Variants in ATRAID observed in about 807,000 individuals in gnomAD.
The protein encoded by ATRAID is all-trans retinoic acid induced differentiation factor.
A neutral mutation model predicts 28.8 loss-of-function variants in ATRAID; 26 were observed. That is an observed-to-expected ratio of 0.90 (90% CI 0.66 to 1.25). The LOEUF is 1.25. ATRAID is among the 50% of genes most tolerant of loss of function. The pLI is 0.00. For missense variants in ATRAID, 308 were observed against 285.9 expected, an observed-to-expected ratio of 1.08 and a Z score of -0.56; for synonymous variants, 131 against 108.5, an observed-to-expected ratio of 1.21 and a Z score of -1.29.
Position 27,217,098 on chromosome 2 carries a change from T to A in ATRAID, c.*150T>A. 1.6e-6 allele frequency: 1 copy of A among 619,586 alleles called. No homozygotes were observed. 38.4% of individuals were successfully genotyped at this position (619,586 alleles called of 1,614,324 possible). ...AAGATGAAAAATTGCACTCCCTTGG[T>A]GTAGACAAATACCAGTTCCCATTGG... On this transcript the variant is annotated 3_prime_UTR_variant, in exon 7 of 7. Coordinates refer to ENST00000380171, the MANE Select transcript of ATRAID (RefSeq NM_001170795.4).
chr2:27,212,083 A>C lies in ATRAID; in HGVS notation c.-286A>C. ...CGACCTCGGCGTCCGGACGCGGGGA[A>C]CACCGGGCTGAGGGAGTCTGCAGTC... On this transcript the variant is annotated 5_prime_UTR_variant, in exon 1 of 7. Transcript: ENST00000380171. The C allele has an allele frequency of 2.3e-6, 3 of 1,324,210 alleles. No homozygotes were observed. Among genetic ancestry groups the C allele is most frequent in the Non-Finnish European group, 3.0e-6 (3 of 991,872 alleles). The allele number at this position is 1,324,210 out of a possible 1,614,324, so 82.0% of individuals were successfully genotyped here. A position where few individuals can be genotyped will look rare whatever the true frequency, so the allele number is the denominator to read the frequency against.
At chr2:27,213,392 T>C (rs1010183307) in intron 2 of ATRAID, 94 bp downstream of exon 2, 60 of 1,454,176 alleles carry the variant, frequency 4.1e-5, no homozygotes, top group Non-Finnish European at 5.2e-5. Flanking sequence ...CCACCTATTA[T>C]GGTTTCAGCT....
rs1455931322 is a variant in ATRAID at position 27,216,926 on chromosome 2, G to A, written c.668G>A (p.Arg223His). ...SVSILLWATQRRKAKTS is the reference protein window; with the variant it reads ...SVSILLWATQHRKAKTS The stretch of plus-strand genomic sequence containing the variant: ...TCCATTCTGCTTTGGGCGACCCAGC[G>A]CCGAAAAGCCAAGACTTCATGAACT... The change falls in exon 7 of 7, where the codon CGC becomes CAC. Residue 223 changes from arginine to histidine, a missense_variant. Coordinates refer to ENST00000380171, the MANE Select transcript of ATRAID (RefSeq NM_001170795.4). 17 of 1,613,542 alleles carry A rather than the reference G, an allele frequency of 1.1e-5. No homozygotes were observed. The East Asian group carries it at 2.9e-4, about 28-fold the overall frequency.
chr2:27,213,466 A>G, intron 2 of ATRAID, 168 bp downstream of exon 2: 1 of 801,834 alleles, frequency 1.2e-6, no homozygotes, highest in East Asian at 3.0e-5. Context: ...ACCTTTCCAC[A>G]CTCCAGGTAC....
Position 27,216,538 on chromosome 2 carries a change from A to G in ATRAID, c.503A>G (p.Asn168Ser). 2 of 1,613,950 alleles carry G rather than the reference A, an allele frequency of 1.2e-6. No homozygotes were observed. Among genetic ancestry groups the G allele is most frequent in the East Asian group, 2.2e-5 (1 of 44,884 alleles). Residue 168 changes from asparagine to serine, a missense_variant, in exon 6 of 7, where the codon AAT (asparagine) becomes AGT (serine). By Grantham distance (46) the Asn-to-Ser change is conservative. Transcript: ENST00000380171. Reference sequence around the variant, plus strand: ...TGGCCTCCAGAAATGTGTCCTGAGAATGGATCTTGTGTACCTGATGGTCCA... The same window carrying G: ...TGGCCTCCAGAAATGTGTCCTGAGAGTGGATCTTGTGTACCTGATGGTCCA... ...NTGDPEMCPE[N>S]GSCVPDGPGL...
chr2:27,212,385 CG>C lies in ATRAID; in HGVS notation c.20del (p.Gly7ValfsTer52). 6.4e-7 allele frequency: 1 copy of C among 1,550,684 alleles called. No individual in the cohort carries two copies. Among genetic ancestry groups the C allele is most frequent in the Non-Finnish European group, 8.7e-7 (1 of 1,146,952 alleles). MAPHD[P>X]GSLTTLVPWA... is the part of the protein sequence containing the mutation. ...GAACGGAAAATGGCGCCTCACGACC[CG>C]GGTAGTCTTACGACCCTGGTGCCCT... On this transcript the variant is annotated frameshift_variant, in exon 1 of 7. Coordinates refer to ENST00000380171, the MANE Select transcript of ATRAID (RefSeq NM_001170795.4). LOFTEE classifies it high-confidence loss of function.
At chr2:27,214,467 A>G (rs1307133706) in intron 2 of ATRAID, among the ~76,000 whole-genome samples, 1 of 152,104 alleles carries the variant, frequency 6.6e-6, no homozygotes, top group African/African-American at 2.4e-5. Flanking sequence ...TCATAATATG[A>G]GATTCACTAA....
chr2:27,213,027 T>TA lies in ATRAID; in HGVS notation c.100-149dup, dbSNP rs1298884879. The TA allele has an allele frequency of 5.2e-6, 5 of 968,134 alleles. No homozygotes were observed. The Admixed American group carries it at 1.0e-4, about 20-fold the overall frequency. The allele number at this position is 968,134 out of a possible 1,614,324, so 60.0% of individuals were successfully genotyped here. On this transcript the variant is annotated intron_variant, in intron 1 of 6. Coordinates refer to ENST00000380171, the MANE Select transcript of ATRAID (RefSeq NM_001170795.4). ...GATGGCATCTCCTAGCCTAGCCTGT[T>TA]ACAAGGGTGGGACACGAGCCGTTTA...
At chr2:27,217,172 T>G (rs1185730166), downstream of ATRAID, 2 of 531,848 alleles carry the variant, frequency 3.8e-6, no homozygotes, top group African/African-American at 4.0e-5. Flanking sequence ...CCTCTCTTTC[T>G]TTTTAAGGAA....
rs1263956061 is a variant in ATRAID, at chr2:27,212,431, C to G, written c.63C>G (p.Leu21=). The change falls in exon 1 of 7, where the codon CTC becomes CTG. Residue 21 remains leucine (L), a synonymous_variant. Coordinates refer to ENST00000380171, the MANE Select transcript of ATRAID (RefSeq NM_001170795.4). ...TGCCCTGGGCTGCCGCCCTGCTCCT[C>G]GCTCTGGGCGTGGAAAGGGCTCTGG... ...TLVPWAAALL[L]ALGVERALAL... 1.9e-6 allele frequency: 3 copies of G among 1,558,642 alleles called. No homozygotes were observed. The African/African-American group carries it at 4.1e-5, about 21-fold the overall frequency.
In ATRAID at chr2:27,216,917, C is replaced by G. The variant is rs763820278; in HGVS notation, c.659C>G (p.Ala220Gly). 6.2e-7 allele frequency: 1 copy of G among 1,613,838 alleles called. No homozygotes were observed. Among genetic ancestry groups the G allele is most frequent in the South Asian group, 1.1e-5 (1 of 91,064 alleles). The change falls in exon 7 of 7, where the codon GCG becomes GGG. Residue 220 changes from alanine (A) to glycine (G), a missense_variant. Transcript: ENST00000380171. ...CTATCCGTCTCCATTCTGCTTTGGGCGACCCAGCGCCGAAAAGCCAAGACT... is the reference window on the plus strand; with the variant it reads ...CTATCCGTCTCCATTCTGCTTTGGGGGACCCAGCGCCGAAAAGCCAAGACT... ...TTLSVSILLW[A>G]TQRRKAKTS
rs773247722 is a variant in ATRAID at position 27,212,381 on chromosome 2, G to T, written c.13G>T (p.Asp5Tyr). 34 of 1,550,488 alleles carry T rather than the reference G, an allele frequency of 2.2e-5. No homozygotes were observed. The South Asian group carries it at 3.6e-4, about 16-fold the overall frequency. Residue 5 changes from aspartate (D) to tyrosine (Y), a missense_variant, in exon 1 of 7, where the codon GAC becomes TAC. By Grantham distance (160) the Asp-to-Tyr change is radical. Transcript: ENST00000380171. The stretch of plus-strand genomic sequence containing the variant: ...AAGGGAACGGAAAATGGCGCCTCAC[G>T]ACCCGGGTAGTCTTACGACCCTGGT... MAPH[D>Y]PGSLTTLVPW...
chr2:27,215,734 C>CAAT lies in ATRAID; in HGVS notation c.471_473dup (p.Asn158dup). ...TCTGTCAAGGGCAAAAGAACCTTTG[C>CAAT]AATAACACTGGGGACCCAGGTATGC... is the stretch of plus-strand genomic sequence containing the variant. On this transcript the variant is annotated inframe_insertion, in exon 5 of 7. Transcript: ENST00000380171. The CAAT allele has an allele frequency of 6.2e-7, 1 of 1,614,182 alleles. No homozygotes were observed. Among genetic ancestry groups the CAAT allele is most frequent in the Non-Finnish European group, 8.5e-7 (1 of 1,180,026 alleles).
rs146677916 is a variant in ATRAID, at chr2:27,212,831, C to T, written c.100-346C>T. 2.2e-3 allele frequency: 1,106 copies of T among 496,142 alleles called. 8 individuals carry two copies. The highest frequency in any genetic ancestry group is 0.02 in the African/African-American group (990 of 50,080). 30.7% of individuals were successfully genotyped at this position (496,142 alleles called of 1,614,324 possible). A position where few individuals can be genotyped will look rare whatever the true frequency, so the allele number is the denominator to read the frequency against. ...TAATGCTTGATGAGTTCTTTACGTA[C>T]CTGCGGTCGTTTTACACCGCGCCAA... On this transcript the variant is annotated intron_variant, in intron 1 of 6. Transcript: ENST00000380171.
intron 2 of ATRAID, among the ~76,000 whole-genome samples, chr2:27,214,630 G>A (rs1193656341): frequency 2.0e-5 from 3 of 152,150 alleles, no homozygotes; most frequent in Non-Finnish European, 2.9e-5. Flanking sequence ...CAGATGGGCG[G>A]ATCACGAGGT....
Position 27,215,379 on chromosome 2 carries a change from A to G in ATRAID, c.280A>G (p.Thr94Ala). 1 of 1,614,212 alleles carries G rather than the reference A, an allele frequency of 6.2e-7. No individual in the cohort carries two copies. Among genetic ancestry groups the G allele is most frequent in the African/African-American group, 1.3e-5 (1 of 75,056 alleles). ...DPGPNFHQAHTTVIIDLQANP... is the reference protein window; with the variant it reads ...DPGPNFHQAHATVIIDLQANP... ...TGGTCCAAACTTTCATCAGGCACAT[A>G]CCACTGTCATCATGTAAGTAGTTAG... The change falls in exon 3 of 7, where the codon ACC becomes GCC. Residue 94 changes from threonine (T) to alanine (A), a missense_variant. Thr to Ala is a moderately conservative substitution (Grantham distance 58). Coordinates refer to ENST00000380171, the MANE Select transcript of ATRAID (RefSeq NM_001170795.4).
chr2:27,212,977 T>A (rs946555355), intron 1 of ATRAID, 200 bp from the exon 2 acceptor site: 2 of 626,402 alleles, frequency 3.2e-6, no homozygotes, highest in Non-Finnish European at 5.3e-6. Context: ...CGGGAGCTGA[T>A]TCGGCGCAGG....
At chr2:27,212,940 C>G (rs1360998601) in intron 1 of ATRAID, 5 of 544,750 alleles carry the variant, frequency 9.2e-6, no homozygotes, top group Non-Finnish European at 1.6e-5. Context: ...AGGACCTTCC[C>G]TGTGCGATAT....
Position 27,217,147 on chromosome 2 carries a change from T to C in ATRAID, c.*199T>C. ...GGTGTTGTTGCCTATAATAAACACT[T>C]TTTTCTTTTTTTTTCCTCTCTTTCT... On this transcript the variant is annotated 3_prime_UTR_variant, in exon 7 of 7. Coordinates refer to ENST00000380171, the MANE Select transcript of ATRAID (RefSeq NM_001170795.4). The C allele has an allele frequency of 2.4e-6, 1 of 415,980 alleles. No homozygotes were observed. The allele number at this position is 415,980 out of a possible 1,614,324, so 25.8% of individuals were successfully genotyped here. A position where few individuals can be genotyped will look rare whatever the true frequency, so the allele number is the denominator to read the frequency against.
Sources: gnomAD v4.1 joint callset for allele counts (sites outside exome capture counted in the v4.1 genomes callset) on GRCh38, gnomAD v4.1.1 for gene constraint, MANE v1.5 for transcripts, NCBI Gene and HGNC (gene_info 2026-07-23, HGNC 2026-07-21) for gene names.